Variants in SNAP47 observed in about 807,000 individuals in gnomAD.
SNAP47 encodes the protein synaptosomal-associated protein 47.
Under a neutral mutation model 31.4 loss-of-function variants are expected in SNAP47, and 20 were observed. The observed-to-expected ratio is 0.64, with a 90% CI of 0.45 to 0.93. The LOEUF is 0.93. Ranked by LOEUF, SNAP47 falls within the 40% of genes least tolerant of loss-of-function variation. The probability of loss-of-function intolerance (pLI) is 0.00; values close to 1 mark genes in which losing one functional copy is unlikely to be tolerated. For missense variants in SNAP47, 492 were observed against 528.5 expected (o/e 0.93, Z 0.68); for synonymous variants, 194 against 213.4 (o/e 0.91, Z 0.79).
At chr1:227,742,984 G>A (rs982980080) in intron 1 of SNAP47, among the ~76,000 whole-genome samples, 1 of 152,216 alleles carries the variant, frequency 6.6e-6, no homozygotes, top group African/African-American at 2.4e-5. Context: ...GGGAGTGGGT[G>A]GCCCTGGAGG....
rs966069027 is a variant in SNAP47 at position 227,763,585 on chromosome 1, C to T, written c.989-3374C>T. Among the ~76,000 whole-genome samples the T allele has an allele frequency of 1.3e-5, 2 of 152,188 alleles. No homozygotes were observed. The highest frequency in any genetic ancestry group is 2.9e-5 in the Non-Finnish European group (2 of 68,036). ...GGAGCCTGCTGTGGCACCGCGGGCT[C>T]GGGTTGGGCTGACTGGGGAGCCTGG... On this transcript the variant is annotated intron_variant, in intron 3 of 4. Transcript: ENST00000617596. This position sits in a 1 kb window ranked among gnomAD's most constrained non-coding sequence, Gnocchi z 4.2.
At chr1:227,746,965 G>A (rs970344599) in intron 1 of SNAP47, 1 of 152,236 alleles carries the variant, frequency 6.6e-6, no homozygotes, top group Admixed American at 6.5e-5. Context: ...GTTCCATGAG[G>A]ATTCGTTCAA....
At chr1:227,754,962 C>T (rs554097228) in intron 2 of SNAP47, among the ~76,000 whole-genome samples, 2 of 152,306 alleles carry the variant, frequency 1.3e-5, no homozygotes, top group South Asian at 4.1e-4. Context: ...CCCCAGCCAA[C>T]TGAATGGATC....
Position 227,735,461 on chromosome 1 carries a change from C to A in SNAP47, c.-84C>A. On this transcript the variant is annotated 5_prime_UTR_variant, in exon 1 of 5. Transcript: ENST00000617596. ...CTGCGCAGGCGCCGAGCGGCCGAGG[C>A]GCCGCGGTCGGCTCTGGGACTCGTC... 1 of 1,436,596 alleles carries A rather than the reference C, an allele frequency of 7.0e-7. No individual in the cohort carries two copies. Among genetic ancestry groups the A allele is most frequent in the South Asian group, 1.5e-5 (1 of 67,000 alleles). The allele number at this position is 1,436,596 out of a possible 1,614,324, so 89.0% of individuals were successfully genotyped here.
intron 1 of SNAP47, among the ~76,000 whole-genome samples, chr1:227,736,766 T>C (rs753012018): frequency 6.6e-6 from 1 of 150,516 alleles, no homozygotes; most frequent in Non-Finnish European, 1.5e-5. Flanking sequence ...AAGCAATCCT[T>C]CTGCCTTGGC....
intron 4 of SNAP47, chr1:227,776,736 G>A: frequency 1.0e-6 from 1 of 985,450 alleles, no homozygotes; most frequent in Non-Finnish European, 1.2e-6. Flanking sequence ...GTTCGCTCAG[G>A]AATGTTCTTT....
At chr1:227,735,015 A>C (rs777050845), upstream of SNAP47, 1 of 1,541,184 alleles carries the variant, frequency 6.5e-7, no homozygotes. Context: ...GCCCCACCGT[A>C]GGTCCGTAGC....
intron 2 of SNAP47, among the ~76,000 whole-genome samples, chr1:227,751,553 C>G (rs748174174): frequency 6.6e-6 from 1 of 152,166 alleles, no homozygotes. Context: ...ACCACCTGGC[C>G]TTTGCCCACG....
chr1:227,776,947 T>C (rs904026789), intron 4 of SNAP47: 2 of 985,268 alleles, frequency 2.0e-6, no homozygotes, highest in Non-Finnish European at 2.4e-6. Context: ...GTGTACACAA[T>C]AAAATATTCC....
chr1:227,773,621 G>A (rs750474325), intron 4 of SNAP47, among the ~76,000 whole-genome samples: 5 of 152,184 alleles, frequency 3.3e-5, no homozygotes, highest in East Asian at 1.9e-4. Flanking sequence ...CACGGGAAGC[G>A]CTCTACACTG....
chr1:227,781,038 G>A lies in SNAP47; in HGVS notation c.*365G>A. 4.6e-6 allele frequency: 1 copy of A among 216,258 alleles called. No individual in the cohort carries two copies. Among genetic ancestry groups the A allele is most frequent in the Admixed American group, 5.3e-5 (1 of 18,848 alleles). 13.4% of individuals were successfully genotyped at this position (216,258 alleles called of 1,614,324 possible). On this transcript the variant is annotated 3_prime_UTR_variant, in exon 5 of 5. Coordinates refer to ENST00000617596, the MANE Select transcript of SNAP47 (RefSeq NM_053052.4). ...TCTTAGCTGTACTATAAATTTGTGA[G>A]TGAAGTTAGAGCCCAGCTCACTTAG...
intron 2 of SNAP47, among the ~76,000 whole-genome samples, chr1:227,755,152 T>C (rs1662616368): frequency 6.6e-6 from 1 of 152,180 alleles, no homozygotes; most frequent in African/African-American, 2.4e-5. Context: ...CATAACAACC[T>C]TGGCCTCCCC....
upstream of SNAP47, chr1:227,734,032 CCT>C (rs775050422): frequency 6.2e-7 from 1 of 1,612,758 alleles, no homozygotes; most frequent in Non-Finnish European, 8.5e-7. Context: ...CCGGAAAGTC[CCT>C]GTGAGGAGGG....
chr1:227,774,636 C>T (rs1308874885), intron 4 of SNAP47, among the ~76,000 whole-genome samples: 2 of 150,364 alleles, frequency 1.3e-5, no homozygotes, highest in Non-Finnish European at 3.0e-5. Context: ...GGAGCAGACT[C>T]ATTGGCCACA....
At chr1:227,739,164 TTTTG>T (rs1349106974) in intron 1 of SNAP47, among the ~76,000 whole-genome samples, 1 of 152,086 alleles carries the variant, frequency 6.6e-6, no homozygotes, top group Non-Finnish European at 1.5e-5. Context: ...TAGGATGGTT[TTTTG>T]TTTTTGTTTT....
upstream of SNAP47, chr1:227,732,378 C>A (rs1208157108): frequency 1.2e-6 from 2 of 1,610,160 alleles, no homozygotes; most frequent in African/African-American, 2.7e-5. Context: ...GTCCTTCTAT[C>A]CTCACGACAG....
intron 2 of SNAP47, among the ~76,000 whole-genome samples, chr1:227,750,732 G>C (rs1406885109): frequency 1.3e-5 from 2 of 152,220 alleles, no homozygotes; most frequent in Non-Finnish European, 2.9e-5. Flanking sequence ...TGCGGTCCTG[G>C]AGGGGAGGCT....
chr1:227,741,780 T>G lies in SNAP47; in HGVS notation c.-45-5912T>G, dbSNP rs1169721011. ...GTTCAAGATTGGGCTGCTTCTGATG[T>G]TCCATGGGGTGTCTTCACTTCCGTC... On this transcript the variant is annotated intron_variant, in intron 1 of 4. Transcript: ENST00000617596. The surrounding 1 kb of genome is among the most constrained non-coding windows in gnomAD (Gnocchi z 4.2). Among the ~76,000 whole-genome samples, 1 of 152,052 alleles carries G rather than the reference T, an allele frequency of 6.6e-6. No individual in the cohort carries two copies. The highest frequency in any genetic ancestry group is 1.5e-5 in the Non-Finnish European group (1 of 68,018).
chr1:227,734,659 G>A, upstream of SNAP47: 2 of 1,614,046 alleles, frequency 1.2e-6, no homozygotes, highest in South Asian at 1.1e-5. Flanking sequence ...ACCTGCACAA[G>A]TGCCAGTCTT....
Sources: allele counts gnomAD v4.1 joint callset (sites outside exome capture counted in the v4.1 genomes callset), GRCh38; gene constraint gnomAD v4.1.1; non-coding constraint Gnocchi (gnomAD v3.1); transcripts MANE v1.5; gene names NCBI Gene and HGNC (gene_info 2026-07-23, HGNC 2026-07-21).